Variants in CRACD observed in about 807,000 individuals in gnomAD.
CRACD encodes capping protein-inhibiting regulator of actin dynamics.
CRACD carries 56 observed loss-of-function variants against 106.8 expected under a neutral mutation model. The ratio of observed to expected loss-of-function variants is 0.52; its 90% CI spans 0.42 to 0.66. The LOEUF is 0.66. CRACD is among the 30% of genes least tolerant of loss of function. The pLI, the probability that CRACD is intolerant of heterozygous loss-of-function variation, is 0.00. For synonymous variants in CRACD, 754 were observed against 670.8 expected, an observed-to-expected ratio of 1.12 and a Z score of -1.92; for missense variants, 1,730 against 1,623.2, an observed-to-expected ratio of 1.07 and a Z score of -1.13.
chr4:56,081,046 G>A (rs1733004886), intron 1 of CRACD, among the ~76,000 whole-genome samples: 1 of 152,074 alleles, frequency 6.6e-6, no homozygotes, highest in Non-Finnish European at 1.5e-5. Flanking sequence ...TTGTAGAGAT[G>A]GAGGTCTCAC....
At chr4:56,201,166 A>G (rs1482415739) in intron 2 of CRACD, among the ~76,000 whole-genome samples, 1 of 152,174 alleles carries the variant, frequency 6.6e-6, no homozygotes, top group Non-Finnish European at 1.5e-5. Flanking sequence ...CTTTAAGGCT[A>G]CTCAGAGTGT....
chr4:56,135,003 G>T (rs1408954788), intron 1 of CRACD, among the ~76,000 whole-genome samples: 1 of 151,760 alleles, frequency 6.6e-6, no homozygotes, highest in African/African-American at 2.4e-5. Flanking sequence ...ATGCTTTTGG[G>T]CCGGGCGCGG....
chr4:56,261,465 C>T (rs1741701479), intron 2 of CRACD, among the ~76,000 whole-genome samples: 1 of 151,724 alleles, frequency 6.6e-6, no homozygotes, highest in Admixed American at 6.6e-5. Flanking sequence ...ACTCTCCTGC[C>T]TCAGCCTCCC....
At chr4:56,169,155 C>T (rs1000260247) in intron 1 of CRACD, among the ~76,000 whole-genome samples, 16 of 152,002 alleles carry the variant, frequency 1.1e-4, no homozygotes, top group African/African-American at 3.1e-4. Flanking sequence ...GTTGTTTCTT[C>T]GTAGCTAAAT....
chr4:56,280,697 T>G (rs141002251), intron 3 of CRACD, among the ~76,000 whole-genome samples: 1 of 152,212 alleles, frequency 6.6e-6, no homozygotes, highest in Admixed American at 6.5e-5. Flanking sequence ...CAAGTCAATA[T>G]TCATCTAATT....
intron 1 of CRACD, among the ~76,000 whole-genome samples, chr4:56,117,017 A>ATTTTTTTTTTT (rs751420774): frequency 1.0e-5 from 1 of 96,256 alleles, no homozygotes; most frequent in Non-Finnish European, 2.2e-5. Flanking sequence ...CGAATTTTTA[A>ATTTTTTTTTTT]TTTTTTTTTT....
intron 1 of CRACD, among the ~76,000 whole-genome samples, chr4:56,138,523 C>A (rs1485084080): frequency 6.6e-6 from 1 of 151,692 alleles, no homozygotes; most frequent in Non-Finnish European, 1.5e-5. Context: ...AGAAAGAGAC[C>A]AAATCTTGGG....
intron 2 of CRACD, among the ~76,000 whole-genome samples, chr4:56,198,856 T>C (rs941434558): frequency 1.3e-5 from 2 of 152,168 alleles, no homozygotes; most frequent in Non-Finnish European, 2.9e-5. Flanking sequence ...GGGGACTAGT[T>C]TTCGTTTTGG....
chr4:56,240,631 A>G (rs921601066), intron 2 of CRACD, among the ~76,000 whole-genome samples: 9 of 152,142 alleles, frequency 5.9e-5, no homozygotes, highest in Non-Finnish European at 1.2e-4. Flanking sequence ...CAACCTCCCT[A>G]GTAGCTGGGA....
At position 56,158,179 on chromosome 4, in the gene CRACD, T is replaced by G. The variant is rs148995988; in HGVS notation, c.-335-21105T>G. On this transcript the variant is annotated intron_variant, in intron 1 of 10. Coordinates refer to ENST00000682029, the MANE Select transcript of CRACD (RefSeq NM_001393381.1). ...CTGACACCAGTGGGAAGAATCCCTT[T>G]TCCACAGATCAAGTAGAAATACCAA... 9.5e-3 allele frequency among the ~76,000 whole-genome samples: 1,447 copies of G among 152,338 alleles called. 88 individuals are homozygous for G. Among genetic ancestry groups the G allele is most frequent in the Admixed American group, 0.089 (1,366 of 15,282 alleles).
At position 56,248,066 on chromosome 4, in the gene CRACD, G is replaced by A. The variant is rs77340903; in HGVS notation, c.-188-24255G>A. Among the ~76,000 whole-genome samples the A allele has an allele frequency of 6.0e-3, 910 of 152,288 alleles. 10 individuals are homozygous for A. The highest frequency in any genetic ancestry group is 0.021 in the African/African-American group (864 of 41,560). On this transcript the variant is annotated intron_variant, in intron 2 of 10. Transcript: ENST00000682029. ...GAATGTGGAATGAATCTTTCCAGTG[G>A]TGGGACTGTGGGATCCCACTAGAGA...
chr4:56,050,810 C>T (rs537296155), intron 1 of CRACD, among the ~76,000 whole-genome samples: 2 of 152,266 alleles, frequency 1.3e-5, no homozygotes, highest in South Asian at 2.1e-4. Flanking sequence ...ATTTAAAATG[C>T]ATTGTATTCA....
intron 1 of CRACD, among the ~76,000 whole-genome samples, chr4:56,162,528 A>G (rs993775320): frequency 6.6e-6 from 1 of 152,136 alleles, no homozygotes; most frequent in South Asian, 2.1e-4. Context: ...TTTAAATTGC[A>G]TCATTTGGAT....
At chr4:56,188,684 TCTCACA>T (rs1200852117) in intron 2 of CRACD, among the ~76,000 whole-genome samples, 11 of 99,886 alleles carry the variant, frequency 1.1e-4, no homozygotes, top group African/African-American at 3.5e-4. Context: ...TCTCTCTCTC[TCTCACA>T]CACACACACA....
intron 2 of CRACD, among the ~76,000 whole-genome samples, chr4:56,239,277 G>T (rs901171502): frequency 3.3e-5 from 5 of 151,564 alleles, no homozygotes; most frequent in African/African-American, 4.8e-5. Context: ...TGCATGACAG[G>T]CTCAAAAAAT....
At chr4:56,260,865 C>T (rs755539115) in intron 2 of CRACD, among the ~76,000 whole-genome samples, 7 of 151,434 alleles carry the variant, frequency 4.6e-5, no homozygotes, top group Non-Finnish European at 7.4e-5. Flanking sequence ...GTCTTTCTGT[C>T]TATCTGTCTG....
chr4:56,216,351 A>G (rs34870564), intron 2 of CRACD: 3 of 152,184 alleles, frequency 2.0e-5, no homozygotes, highest in Non-Finnish European at 4.4e-5. Flanking sequence ...CCTTGTAAAT[A>G]TGGTGAATAA....
intron 1 of CRACD, among the ~76,000 whole-genome samples, chr4:56,136,275 C>T (rs1734996428): frequency 1.3e-5 from 2 of 152,196 alleles, no homozygotes; most frequent in South Asian, 2.1e-4. Context: ...TGGATAAATA[C>T]GTAGGAGTGA....
At chr4:56,248,750 A>G (rs62310596) in intron 2 of CRACD, among the ~76,000 whole-genome samples, 22,056 of 109,888 alleles carry the variant, frequency 0.2, 2,564 homozygotes, top group Middle Eastern at 0.32. Flanking sequence ...AACAGTCCCC[A>G]GAGTGTGATA....
Sources: gnomAD v4.1 joint callset for allele counts (sites outside exome capture counted in the v4.1 genomes callset) on GRCh38, gnomAD v4.1.1 for gene constraint, MANE v1.5 for transcripts, NCBI Gene and HGNC (gene_info 2026-07-23, HGNC 2026-07-21) for gene names.